Variants in RTTN observed in about 807,000 individuals in gnomAD.
RTTN encodes the protein rotatin.
A neutral mutation model predicts 269.2 loss-of-function variants in RTTN; 182 were observed. The ratio of observed to expected loss-of-function variants is 0.68; its 90% confidence interval spans 0.60 to 0.76. The LOEUF (loss-of-function observed/expected upper bound fraction) is 0.76. Among genes scored for constraint, RTTN ranks in the 30% least tolerant of loss-of-function variants. The probability of loss-of-function intolerance (pLI) is 0.00; values close to 1 mark genes in which losing one functional copy is unlikely to be tolerated. For missense variants in RTTN, 2,545 were observed against 2,608.6 expected, an observed-to-expected ratio of 0.98 and a Z score of 0.53; for synonymous variants, 1,006 against 963.5, an observed-to-expected ratio of 1.04 and a Z score of -0.82.
chr18:70,125,474 G>A (rs573713916), intron 25 of RTTN, among the ~76,000 whole-genome samples: 1 of 151,852 alleles, frequency 6.6e-6, no homozygotes, highest in Admixed American at 6.6e-5. Flanking sequence ...ACATTCATTT[G>A]GATATATCAT....
At chr18:70,136,559 T>A (rs1243939034) in intron 21 of RTTN, among the ~76,000 whole-genome samples, 1 of 151,516 alleles carries the variant, frequency 6.6e-6, no homozygotes, top group African/African-American at 2.4e-5. Context: ...AAATAAGTAA[T>A]CCATAGATGA....
intron 17 of RTTN, among the ~76,000 whole-genome samples, chr18:70,147,901 A>G: frequency 6.6e-6 from 1 of 152,170 alleles, no homozygotes; most frequent in East Asian, 1.9e-4. Context: ...GTTAATTAAC[A>G]GGGAACAGCT....
At chr18:70,033,571 G>A (rs1472990300) in intron 40 of RTTN, among the ~76,000 whole-genome samples, 2 of 152,116 alleles carry the variant, frequency 1.3e-5, no homozygotes, top group Non-Finnish European at 2.9e-5. Flanking sequence ...ACACAGCTAA[G>A]GCAGTGTTAA....
intron 45 of RTTN, among the ~76,000 whole-genome samples, chr18:70,020,344 C>G (rs540257505): frequency 6.6e-6 from 1 of 152,290 alleles, no homozygotes; most frequent in South Asian, 2.1e-4. Context: ...CTTTCTAAAA[C>G]CCTCATCTTT....
chr18:70,013,182 T>C (rs904841994), intron 46 of RTTN, among the ~76,000 whole-genome samples: 1 of 152,330 alleles, frequency 6.6e-6, no homozygotes. Flanking sequence ...CTGCAAGTGC[T>C]ACTCATTAGG....
chr18:70,138,840 T>C (rs553440402), intron 21 of RTTN: 7 of 152,300 alleles, frequency 4.6e-5, no homozygotes, highest in Admixed American at 1.3e-4. Context: ...TTATCTCCTA[T>C]ATGCCTGATA....
chr18:70,181,449 T>G, intron 10 of RTTN, among the ~76,000 whole-genome samples: 1 of 152,190 alleles, frequency 6.6e-6, no homozygotes, highest in East Asian at 1.9e-4. Flanking sequence ...TGACATACTT[T>G]AGGTCAGCAT....
At chr18:70,200,561 T>A (rs970882954) in intron 4 of RTTN, among the ~76,000 whole-genome samples, 3 of 152,208 alleles carry the variant, frequency 2.0e-5, no homozygotes, top group Non-Finnish European at 4.4e-5. Context: ...TAACAATGAA[T>A]GAAAAGGTAA....
intron 30 of RTTN, among the ~76,000 whole-genome samples, chr18:70,091,038 T>C (rs972581699): frequency 9.2e-5 from 14 of 152,208 alleles, no homozygotes; most frequent in African/African-American, 3.1e-4. Context: ...TGGAAGCATA[T>C]AACTTGTATG....
chr18:70,167,292 G>A (rs2145913508), intron 12 of RTTN, among the ~76,000 whole-genome samples: 1 of 152,276 alleles, frequency 6.6e-6, no homozygotes, highest in African/African-American at 2.4e-5. Flanking sequence ...CAAGTTGCCT[G>A]GTTCTTTGAT....
intron 38 of RTTN, among the ~76,000 whole-genome samples, chr18:70,053,017 A>C (rs529739388): frequency 6.6e-6 from 1 of 152,350 alleles, no homozygotes; most frequent in South Asian, 2.1e-4. Context: ...TTCACAAGGC[A>C]GCCAATAGCA....
chr18:70,168,718 T>C (rs2061056356), intron 12 of RTTN, 137 bp downstream of exon 12: 6 of 622,906 alleles, frequency 9.6e-6, no homozygotes, highest in African/African-American at 1.8e-5. Flanking sequence ...TAACAGGTTA[T>C]GTATAATTGA....
chr18:70,020,885 G>T, intron 44 of RTTN, 68 bp from the exon 45 acceptor site: 2 of 1,308,398 alleles, frequency 1.5e-6, no homozygotes, highest in Non-Finnish European at 2.2e-6. Flanking sequence ...GACACTAAGT[G>T]GCAAAGCATA....
intron 25 of RTTN, among the ~76,000 whole-genome samples, chr18:70,125,292 TGA>T (rs559442370): frequency 6.6e-5 from 10 of 152,032 alleles, no homozygotes; most frequent in Non-Finnish European, 1.5e-4. Context: ...TCTGGATAGT[TGA>T]GTTTGCTAAT....
intron 31 of RTTN, among the ~76,000 whole-genome samples, chr18:70,087,328 T>C (rs2058727200): frequency 6.6e-6 from 1 of 152,182 alleles, no homozygotes; most frequent in South Asian, 2.1e-4. Flanking sequence ...CTAGAAGTGA[T>C]GGAAAAGCTT....
In RTTN at chr18:70,106,793, GA is replaced by G. The variant is rs1054189264; in HGVS notation, c.3903+2704del. 4.7e-5 allele frequency among the ~76,000 whole-genome samples: 7 copies of G among 149,644 alleles called. 1 individual carries two copies. The South Asian group carries it at 1.3e-3, about 27-fold the overall frequency. On this transcript the variant is annotated intron_variant, in intron 28 of 48. Coordinates refer to ENST00000640769, the MANE Select transcript of RTTN (RefSeq NM_173630.4). ...GATGTCAAGAAGTCACCCACAGCATGAAAAAAAAACAGGAGGTTATAGATAC... is the reference window on the plus strand; with the variant it reads ...GATGTCAAGAAGTCACCCACAGCATGAAAAAAAACAGGAGGTTATAGATAC...
At chr18:70,103,045 T>C (rs1303418189) in intron 28 of RTTN, among the ~76,000 whole-genome samples, 1 of 143,074 alleles carries the variant, frequency 7.0e-6, no homozygotes, top group Non-Finnish European at 1.5e-5. Flanking sequence ...TCTGCCCAGC[T>C]GTCCCGTCTG....
intron 40 of RTTN, among the ~76,000 whole-genome samples, chr18:70,044,223 C>T (rs1034110038): frequency 7.9e-5 from 12 of 152,150 alleles, no homozygotes; most frequent in Non-Finnish European, 1.6e-4. Context: ...AACAGATTTA[C>T]CCTTGAATTT....
At chr18:70,037,101 C>T (rs988711808) in intron 40 of RTTN, among the ~76,000 whole-genome samples, 13 of 152,214 alleles carry the variant, frequency 8.5e-5, no homozygotes, top group African/African-American at 3.1e-4. Context: ...AGATCAACTG[C>T]CCAAACCAGC....
Sources: allele counts gnomAD v4.1 joint callset (sites outside exome capture counted in the v4.1 genomes callset), GRCh38; gene constraint gnomAD v4.1.1; transcripts MANE v1.5; gene names NCBI Gene and HGNC (gene_info 2026-07-23, HGNC 2026-07-21).